CSMD3: variants seen among roughly 807,000 people sequenced by gnomAD.
CSMD3 encodes the protein CUB and sushi domain-containing protein 3.
CSMD3 carries 177 observed loss-of-function variants against 435.2 expected under a neutral mutation model. The ratio of observed to expected loss-of-function variants is 0.41; its 90% CI spans 0.36 to 0.46. The LOEUF is 0.46. CSMD3 is among the 20% of genes least tolerant of loss of function. The pLI is 0.34. For synonymous variants in CSMD3, 1,656 were observed against 1,520.5 expected (o/e 1.09, Z -2.07); for missense variants, 4,265 against 4,504.6 (o/e 0.95, Z 1.52).
chr8:112,391,097 A>C (rs1380631291), intron 35 of CSMD3, among the ~76,000 whole-genome samples: 6 of 152,228 alleles, frequency 3.9e-5, no homozygotes, highest in Non-Finnish European at 8.8e-5. Context: ...CCTTAAAAAT[A>C]GTTCATTTTT....
intron 12 of CSMD3, among the ~76,000 whole-genome samples, chr8:112,810,151 C>T (rs1393373330): frequency 6.6e-6 from 1 of 152,088 alleles, no homozygotes; most frequent in African/African-American, 2.4e-5. Flanking sequence ...TTGTCTGGTG[C>T]AATTTTTCTT....
At chr8:112,228,965 A>G (rs1812831483) in intron 69 of CSMD3, 74 bp from the exon 70 acceptor site, 1 of 831,094 alleles carries the variant, frequency 1.2e-6, no homozygotes, top group African/African-American at 1.7e-5. Flanking sequence ...TGAATCAATT[A>G]ATTTCTTCTA....
Position 112,921,751 on chromosome 8 carries a change from G to C in CSMD3, c.1509C>G (p.Ser503Arg), listed in dbSNP as rs2130632656. ...AAGAGAACTGCACAGTTGATCCAAGGCTAAAGTTAAATAAAAGAGAAAAAA... is the reference window on the plus strand; with the variant it reads ...AAGAGAACTGCACAGTTGATCCAAGCCTAAAGTTAAATAAAAGAGAAAAAA... ...ENGKRIGSDFSLGSTVQFSCD... is the reference protein window; with the variant it reads ...ENGKRIGSDFRLGSTVQFSCD... Residue 503 changes from serine to arginine, a missense_variant and splice_region_variant, in exon 10 of 71, where the codon AGC becomes AGG. By Grantham distance (110) the Ser-to-Arg change is moderately radical (BLOSUM62 -1). Around this residue, in one of 3 missense-constraint regions of CSMD3, gnomAD observed 731 missense variants for 755.4 expected, o/e 0.97. Transcript: ENST00000297405. 6.2e-7 allele frequency: 1 copy of C among 1,605,858 alleles called. No individual in the cohort carries two copies. Among genetic ancestry groups the C allele is most frequent in the Non-Finnish European group, 8.5e-7 (1 of 1,173,046 alleles).
intron 5 of CSMD3, among the ~76,000 whole-genome samples, chr8:113,043,967 A>G (rs1173660363): frequency 4.6e-5 from 7 of 152,108 alleles, no homozygotes; most frequent in Admixed American, 3.9e-4. Flanking sequence ...AAGTTAAAAG[A>G]TAAGTAGAAT....
chr8:113,098,985 T>C, intron 4 of CSMD3, 22 bp from the exon 5 acceptor site: 3 of 1,474,174 alleles, frequency 2.0e-6, no homozygotes, highest in Non-Finnish European at 2.8e-6. Flanking sequence ...GACAAAATAT[T>C]CAGTTGTAAG....
At chr8:113,173,626 T>C (rs1290640758) in intron 4 of CSMD3, 96 bp downstream of exon 4, 2 of 1,038,568 alleles carry the variant, frequency 1.9e-6, no homozygotes, top group African/African-American at 3.2e-5. Context: ...CTGGCCTCTC[T>C]ATCCTTTAGA....
intron 38 of CSMD3, among the ~76,000 whole-genome samples, chr8:112,369,577 C>T (rs1218929403): frequency 6.6e-6 from 1 of 152,052 alleles, no homozygotes; most frequent in African/African-American, 2.4e-5. Context: ...ATGGATGAAG[C>T]TGGAAACCAT....
Position 112,796,890 on chromosome 8 carries a change from G to T in CSMD3, c.1972+3272C>A, listed in dbSNP as rs369817455. ...TAGGAATATCATTAACTACCCAAGAGGTTGGTGGCATTTTATTCATTTATG... is the reference window on the plus strand; with the variant it reads ...TAGGAATATCATTAACTACCCAAGATGTTGGTGGCATTTTATTCATTTATG... On this transcript the variant is annotated intron_variant, in intron 13 of 70. Coordinates refer to ENST00000297405, the MANE Select transcript of CSMD3 (RefSeq NM_198123.2). Among the ~76,000 whole-genome samples the T allele has an allele frequency of 8.2e-4, 124 of 152,024 alleles. 1 individual carries two copies. The highest frequency in any genetic ancestry group is 2.9e-3 in the African/African-American group (119 of 41,530).
At chr8:112,554,830 A>G (rs1218521827) in intron 25 of CSMD3, among the ~76,000 whole-genome samples, 1 of 152,010 alleles carries the variant, frequency 6.6e-6, no homozygotes, top group Admixed American at 6.6e-5. Context: ...AAGATTCAGA[A>G]ATATAATTAC....
intron 45 of CSMD3, among the ~76,000 whole-genome samples, chr8:112,328,624 T>A (rs2130911961): frequency 6.6e-6 from 1 of 152,272 alleles, no homozygotes; most frequent in South Asian, 2.1e-4. Context: ...GACCCAAATC[T>A]TATCTCAAAT....
intron 66 of CSMD3, among the ~76,000 whole-genome samples, chr8:112,240,106 T>C (rs1813979280): frequency 6.6e-6 from 1 of 152,134 alleles, no homozygotes; most frequent in African/African-American, 2.4e-5. Flanking sequence ...TCTTCTTTAA[T>C]TCATGAGTTA....
At position 113,265,763 on chromosome 8, in the gene CSMD3, G is replaced by C. The variant is rs972750836; in HGVS notation, c.514+12829C>G. On this transcript the variant is annotated intron_variant, in intron 3 of 70. Transcript: ENST00000297405. ...TTTACAACTGCTTAGAAGGTAGAGA[G>C]ATACTCATGATTTAGCTAAAAAGTC... Among the ~76,000 whole-genome samples the C allele has an allele frequency of 2.6e-5, 4 of 151,528 alleles. No homozygotes were observed. The South Asian group carries it at 8.3e-4, about 31-fold the overall frequency.
At chr8:113,394,318 T>C in intron 1 of CSMD3, among the ~76,000 whole-genome samples, 1 of 152,168 alleles carries the variant, frequency 6.6e-6, no homozygotes, top group South Asian at 2.1e-4. Context: ...AGAAGGGAAA[T>C]ATTATATCGA....
At chr8:113,167,255 T>C (rs2092169895) in intron 4 of CSMD3, among the ~76,000 whole-genome samples, 1 of 152,196 alleles carries the variant, frequency 6.6e-6, no homozygotes, top group South Asian at 2.1e-4. Flanking sequence ...TTTAAAATAA[T>C]TGACTTTTAT....
At chr8:112,897,411 T>G (rs548613712) in intron 10 of CSMD3, among the ~76,000 whole-genome samples, 1 of 151,478 alleles carries the variant, frequency 6.6e-6, no homozygotes, top group African/African-American at 2.4e-5. Flanking sequence ...AGGAAATCAT[T>G]ACTCTAAGAG....
At chr8:113,111,688 T>C (rs2090645553) in intron 4 of CSMD3, among the ~76,000 whole-genome samples, 1 of 152,124 alleles carries the variant, frequency 6.6e-6, no homozygotes, top group Non-Finnish European at 1.5e-5. Context: ...TGTATTTATT[T>C]ATTTATTTTT....
At chr8:112,832,741 G>T (rs1201109884) in intron 11 of CSMD3, among the ~76,000 whole-genome samples, 1 of 152,068 alleles carries the variant, frequency 6.6e-6, no homozygotes, top group Admixed American at 6.6e-5. Context: ...AGAAGACCCA[G>T]ATATCCATGC....
In CSMD3 at chr8:113,231,450, CA is replaced by C. The variant is rs554939052; in HGVS notation, c.514+47141del. Among the ~76,000 whole-genome samples, 303 of 151,322 alleles carry C rather than the reference CA, an allele frequency of 2.0e-3. 1 individual carries two copies. Among genetic ancestry groups the C allele is most frequent in the African/African-American group, 5.9e-3 (244 of 41,450 alleles). Reference sequence around the variant, plus strand: ...ATTTAAGGGCTCACTAATACTGTTGCAAAATAGTAGCTCAAGTACACTTTTG... The same window carrying C: ...ATTTAAGGGCTCACTAATACTGTTGCAAATAGTAGCTCAAGTACACTTTTG... On this transcript the variant is annotated intron_variant, in intron 3 of 70. Coordinates refer to ENST00000297405, the MANE Select transcript of CSMD3 (RefSeq NM_198123.2).
intron 17 of CSMD3, among the ~76,000 whole-genome samples, chr8:112,661,196 ATTAAT>A (rs56698474): frequency 0.017 from 2,558 of 152,288 alleles, 67 homozygotes; most frequent in African/African-American, 0.059. Flanking sequence ...CGCTATAGAA[ATTAAT>A]TTAAGTTTAT....
Sources: allele counts gnomAD v4.1 joint callset (sites outside exome capture counted in the v4.1 genomes callset), GRCh38; gene constraint gnomAD v4.1.1; regional missense constraint gnomAD v4.1.1; transcripts MANE v1.5; gene names NCBI Gene and HGNC (gene_info 2026-07-23, HGNC 2026-07-21).